EPHB1: variants seen among roughly 807,000 people sequenced by gnomAD.
EPHB1 encodes ephrin type-B receptor 1.
EPHB1 carries 30 observed loss-of-function variants against 94.4 expected under a neutral mutation model. That is an observed-to-expected ratio of 0.32 (90% CI 0.24 to 0.43). The LOEUF is 0.43. Ranked by LOEUF, EPHB1 falls within the 20% of genes least tolerant of loss-of-function variation. The pLI, the probability that EPHB1 is intolerant of heterozygous loss-of-function variation, is 1.00. For missense variants in EPHB1, 1,055 were observed against 1,308.3 expected, an observed-to-expected ratio of 0.81 and a Z score of 2.99; for synonymous variants, 522 against 489.1, an observed-to-expected ratio of 1.07 and a Z score of -0.89.
chr3:135,141,475 C>A (rs967759008), intron 5 of EPHB1, among the ~76,000 whole-genome samples: 1 of 152,148 alleles, frequency 6.6e-6, no homozygotes, highest in Admixed American at 6.5e-5. Flanking sequence ...GCTGACCTTA[C>A]ACCATGTCAC....
chr3:134,872,244 G>A (rs1378846702), intron 1 of EPHB1, among the ~76,000 whole-genome samples: 1 of 152,230 alleles, frequency 6.6e-6, no homozygotes, highest in Admixed American at 6.5e-5. Context: ...TACTGTGTCT[G>A]CTTAGGGGTC....
intron 3 of EPHB1, among the ~76,000 whole-genome samples, chr3:135,048,718 C>A (rs1051749040): frequency 3.9e-5 from 6 of 152,210 alleles, no homozygotes; most frequent in Non-Finnish European, 7.3e-5. Context: ...ATGCAGTGGG[C>A]ACCATGTTCC....
chr3:134,940,740 A>G (rs2039098035), intron 2 of EPHB1, among the ~76,000 whole-genome samples: 1 of 152,152 alleles, frequency 6.6e-6, no homozygotes, highest in African/African-American at 2.4e-5. Context: ...GTAGTTGTTA[A>G]TGCTACCTGA....
In EPHB1 at chr3:135,256,380, C is replaced by T. The variant is rs200632498; in HGVS notation, c.2847-2632C>T. 2.6e-4 allele frequency among the ~76,000 whole-genome samples: 39 copies of T among 152,184 alleles called. No individual in the cohort carries two copies. In the East Asian group the frequency reaches 4.1e-3, roughly 16 times the overall value. ...ACTGGTTGTTCCTTTCCATATTTAG[C>T]GCTTCCTTCAGGAGCTCTTGTAGGG... On this transcript the variant is annotated intron_variant, in intron 15 of 15. Coordinates refer to ENST00000398015, the MANE Select transcript of EPHB1 (RefSeq NM_004441.5).
At chr3:135,018,850 G>A (rs748769139) in intron 3 of EPHB1, among the ~76,000 whole-genome samples, 17 of 152,146 alleles carry the variant, frequency 1.1e-4, no homozygotes, top group Non-Finnish European at 2.1e-4. Context: ...GATGTGACAG[G>A]GATTGCACAT....
At chr3:134,803,474 C>T (rs909791893) in intron 1 of EPHB1, among the ~76,000 whole-genome samples, 3 of 152,110 alleles carry the variant, frequency 2.0e-5, no homozygotes, top group African/African-American at 4.8e-5. Flanking sequence ...CTTGTCTGCA[C>T]AGTCTTGACA....
intron 12 of EPHB1, among the ~76,000 whole-genome samples, chr3:135,225,824 T>C (rs945573787): frequency 6.6e-6 from 1 of 151,526 alleles, no homozygotes; most frequent in Non-Finnish European, 1.5e-5. Context: ...AGCCATACTG[T>C]AAACCGTAGG....
intron 3 of EPHB1, among the ~76,000 whole-genome samples, chr3:134,969,653 CAAGTT>C (rs1451193374): frequency 6.6e-6 from 1 of 152,168 alleles, no homozygotes; most frequent in Non-Finnish European, 1.5e-5. Flanking sequence ...AGAAATATTA[CAAGTT>C]AAGTTCCTCT....
At chr3:134,890,990 A>G (rs1218915630) in intron 1 of EPHB1, among the ~76,000 whole-genome samples, 1 of 152,198 alleles carries the variant, frequency 6.6e-6, no homozygotes, top group African/African-American at 2.4e-5. Flanking sequence ...TTACCTACTA[A>G]TGTTGACCAT....
chr3:134,834,534 A>G (rs1474000136), intron 1 of EPHB1, among the ~76,000 whole-genome samples: 1 of 152,176 alleles, frequency 6.6e-6, no homozygotes, highest in Non-Finnish European at 1.5e-5. Flanking sequence ...TGTGGGACTC[A>G]TGTTGGCCAG....
chr3:135,092,975 C>A (rs548347234), intron 3 of EPHB1, among the ~76,000 whole-genome samples: 1 of 152,250 alleles, frequency 6.6e-6, no homozygotes, highest in South Asian at 2.1e-4. Context: ...TGCTTGCTGC[C>A]TCTGCATTGG....
At position 134,795,467 on chromosome 3, in the gene EPHB1, A is replaced by C; in HGVS notation, c.-165A>C. The C allele has an allele frequency of 3.2e-6, 2 of 627,486 alleles. No individual in the cohort carries two copies. Among genetic ancestry groups the C allele is most frequent in the Non-Finnish European group, 2.7e-6 (1 of 377,154 alleles). The allele number at this position is 627,486 out of a possible 1,614,324, so 38.9% of individuals were successfully genotyped here. Reference sequence around the variant, plus strand: ...CGCCCGCACCGCCCCACGCGCACACACTCCTGCCCACGCCCACGCAGCGCT... The same window carrying C: ...CGCCCGCACCGCCCCACGCGCACACCCTCCTGCCCACGCCCACGCAGCGCT... On this transcript the variant is annotated 5_prime_UTR_variant, in exon 1 of 16. Transcript: ENST00000398015.
chr3:134,959,976 T>C (rs1187624347), intron 3 of EPHB1, among the ~76,000 whole-genome samples: 1 of 22,070 alleles, frequency 4.5e-5, no homozygotes, highest in East Asian at 4.1e-4. Flanking sequence ...CTTTTTTTTT[T>C]TTTTTTTTTT....
chr3:134,969,447 G>A (rs946512834), intron 3 of EPHB1, among the ~76,000 whole-genome samples: 19 of 152,190 alleles, frequency 1.2e-4, no homozygotes, highest in Non-Finnish European at 2.9e-5. Flanking sequence ...TTCTCTTAGA[G>A]GAGCCCTGGG....
chr3:135,220,478 T>A (rs1034654050), intron 12 of EPHB1, among the ~76,000 whole-genome samples: 2 of 152,136 alleles, frequency 1.3e-5, no homozygotes, highest in Non-Finnish European at 2.9e-5. Context: ...ACATGCCATC[T>A]GGGCGTTTGA....
At chr3:135,091,233 G>C (rs1370502379) in intron 3 of EPHB1, among the ~76,000 whole-genome samples, 1 of 152,184 alleles carries the variant, frequency 6.6e-6, no homozygotes, top group Non-Finnish European at 1.5e-5. Flanking sequence ...GGGGGTGGGG[G>C]TGAGCTCCAC....
chr3:135,040,826 G>A (rs547250786), intron 3 of EPHB1, among the ~76,000 whole-genome samples: 4 of 152,300 alleles, frequency 2.6e-5, no homozygotes, highest in East Asian at 3.9e-4. Flanking sequence ...TCTTAATAGC[G>A]TGACAAGGAG....
chr3:134,850,917 T>G (rs1052553692), intron 1 of EPHB1, among the ~76,000 whole-genome samples: 1 of 152,226 alleles, frequency 6.6e-6, no homozygotes, highest in Non-Finnish European at 1.5e-5. Flanking sequence ...TTCATCTGCT[T>G]CCCCATGGGG....
intron 4 of EPHB1, among the ~76,000 whole-genome samples, chr3:135,116,966 C>T (rs930406653): frequency 4.6e-5 from 7 of 152,216 alleles, no homozygotes; most frequent in Non-Finnish European, 7.3e-5. Context: ...CAGACCCACA[C>T]ACATCACTGA....
Sources: allele counts gnomAD v4.1 joint callset (sites outside exome capture counted in the v4.1 genomes callset), GRCh38; gene constraint gnomAD v4.1.1; transcripts MANE v1.5; gene names NCBI Gene and HGNC (gene_info 2026-07-23, HGNC 2026-07-21).